Variants in NEGR1 observed in about 807,000 individuals in gnomAD.
NEGR1 encodes IgLON family member 4.
In NEGR1, 10 loss-of-function variants were observed where a neutral mutation model predicts 40.9. The observed-to-expected ratio is 0.24, with a 90% CI of 0.15 to 0.42. The LOEUF is 0.42. NEGR1 is among the 10% of genes least tolerant of loss of function. The pLI is 1.00. For missense variants in NEGR1, 352 were observed against 438.9 expected (o/e 0.80, Z 1.77); for synonymous variants, 185 against 166.8 (o/e 1.11, Z -0.84).
intron 6 of NEGR1, among the ~76,000 whole-genome samples, chr1:71,567,720 C>T (rs769256725): frequency 2.6e-5 from 4 of 152,108 alleles, no homozygotes; most frequent in African/African-American, 9.7e-5. Flanking sequence ...TTGTGTCCCC[C>T]CTCCGCCTCA....
intron 6 of NEGR1, among the ~76,000 whole-genome samples, chr1:71,532,984 C>A (rs879214723): frequency 6.6e-6 from 1 of 151,536 alleles, no homozygotes; most frequent in Non-Finnish European, 1.5e-5. Flanking sequence ...ACTCATGAGA[C>A]AATCAACAGT....
chr1:72,134,458 C>T (rs1228231697), intron 1 of NEGR1, among the ~76,000 whole-genome samples: 1 of 151,928 alleles, frequency 6.6e-6, no homozygotes, highest in African/African-American at 2.4e-5. Context: ...CCCGCCTCGG[C>T]CTCCCAAAGT....
chr1:72,013,249 T>G (rs1268172670), intron 1 of NEGR1, among the ~76,000 whole-genome samples: 1 of 152,070 alleles, frequency 6.6e-6, no homozygotes, highest in South Asian at 2.1e-4. Context: ...TCCATCCAGA[T>G]GTGGTTACAT....
Position 71,885,318 on chromosome 1 carries a change from A to G in NEGR1, c.409+49761T>C, listed in dbSNP as rs552894538. Reference sequence around the variant, plus strand: ...ACTTATGGCTAGAGAGAACACTCACATTATTTTATAGTAGAACAAATTAAG... The same window carrying G: ...ACTTATGGCTAGAGAGAACACTCACGTTATTTTATAGTAGAACAAATTAAG... On this transcript the variant is annotated intron_variant, in intron 2 of 6. Transcript: ENST00000357731. 4.5e-3 allele frequency among the ~76,000 whole-genome samples: 686 copies of G among 152,340 alleles called. 2 individuals are homozygous for G. Among genetic ancestry groups the G allele is most frequent in the Non-Finnish European group, 7.2e-3 (492 of 68,014 alleles).
intron 6 of NEGR1, among the ~76,000 whole-genome samples, chr1:71,439,409 C>T (rs1467052303): frequency 1.3e-5 from 2 of 152,172 alleles, no homozygotes; most frequent in African/African-American, 2.4e-5. Context: ...CTCACTCAGG[C>T]TGCAGTACAG....
At chr1:71,547,399 G>C (rs904196358) in intron 6 of NEGR1, among the ~76,000 whole-genome samples, 1 of 151,814 alleles carries the variant, frequency 6.6e-6, no homozygotes, top group Non-Finnish European at 1.5e-5. Flanking sequence ...AAAGTTACCG[G>C]AGTGAAAAAG....
At chr1:72,239,300 C>T (rs185588637) in intron 1 of NEGR1, among the ~76,000 whole-genome samples, 16 of 151,834 alleles carry the variant, frequency 1.1e-4, no homozygotes, top group African/African-American at 2.6e-4. Context: ...CAACTCTCTG[C>T]GTCAGGAAAA....
chr1:71,906,127 C>G (rs1661267857), intron 2 of NEGR1, among the ~76,000 whole-genome samples: 1 of 152,098 alleles, frequency 6.6e-6, no homozygotes, highest in Admixed American at 6.6e-5. Context: ...ACGGAGCACT[C>G]TAAAACTCTT....
intron 1 of NEGR1, among the ~76,000 whole-genome samples, chr1:72,216,023 C>A (rs1653793143): frequency 1.3e-5 from 2 of 151,754 alleles, no homozygotes; most frequent in Admixed American, 6.6e-5. Context: ...GAATACTATG[C>A]AGTTATAAAA....
chr1:71,942,519 T>G (rs1430449439), intron 1 of NEGR1, among the ~76,000 whole-genome samples: 1 of 78,290 alleles, frequency 1.3e-5, no homozygotes, highest in East Asian at 3.7e-4. Context: ...TTTTTTTTTT[T>G]GAGACGGAGT....
At chr1:71,981,082 C>A (rs948778234) in intron 1 of NEGR1, among the ~76,000 whole-genome samples, 1 of 152,118 alleles carries the variant, frequency 6.6e-6, no homozygotes, top group Non-Finnish European at 1.5e-5. Context: ...TTGTAAAATT[C>A]ATCATTGTAT....
At chr1:72,132,343 GA>G (rs1650291078) in intron 1 of NEGR1, among the ~76,000 whole-genome samples, 1 of 152,070 alleles carries the variant, frequency 6.6e-6, no homozygotes, top group African/African-American at 2.4e-5. Flanking sequence ...CCTGAGGTCA[GA>G]AAAAAGGGAG....
At chr1:71,925,349 G>T (rs1645762858) in intron 2 of NEGR1, among the ~76,000 whole-genome samples, 1 of 152,168 alleles carries the variant, frequency 6.6e-6, no homozygotes, top group African/African-American at 2.4e-5. Context: ...TAGTGCAGGT[G>T]CATGGTCCCT....
chr1:71,622,597 G>A (rs1570116976), intron 4 of NEGR1, among the ~76,000 whole-genome samples: 1 of 151,914 alleles, frequency 6.6e-6, no homozygotes, highest in East Asian at 1.9e-4. Flanking sequence ...TGTTGTTAGA[G>A]CTTCCATGAT....
intron 1 of NEGR1, among the ~76,000 whole-genome samples, chr1:72,087,402 GC>G (rs1316750676): frequency 2.6e-5 from 4 of 151,722 alleles, no homozygotes; most frequent in Admixed American, 2.0e-4. Flanking sequence ...CTGCACTCCA[GC>G]TTGGGCGACA....
chr1:71,887,320 G>A (rs1301654373), intron 2 of NEGR1, among the ~76,000 whole-genome samples: 1 of 152,074 alleles, frequency 6.6e-6, no homozygotes, highest in Non-Finnish European at 1.5e-5. Flanking sequence ...GTGGATCCAT[G>A]CAGTTCAAAT....
chr1:71,502,910 G>A (rs569652826), intron 6 of NEGR1, among the ~76,000 whole-genome samples: 1 of 152,182 alleles, frequency 6.6e-6, no homozygotes, highest in East Asian at 1.9e-4. Context: ...CAGAGGCAGC[G>A]ATTCTTGGGG....
At chr1:71,681,398 C>T (rs1280798877) in intron 4 of NEGR1, among the ~76,000 whole-genome samples, 1 of 151,982 alleles carries the variant, frequency 6.6e-6, no homozygotes, top group African/African-American at 2.4e-5. Flanking sequence ...TTGTTCTATC[C>T]TAAGACACTA....
At chr1:71,963,626 A>G (rs1470185467) in intron 1 of NEGR1, among the ~76,000 whole-genome samples, 1 of 152,162 alleles carries the variant, frequency 6.6e-6, no homozygotes, top group Non-Finnish European at 1.5e-5. Context: ...TATATATTTT[A>G]ATGAATATGT....
Sources: gnomAD v4.1 joint callset for allele counts (sites outside exome capture counted in the v4.1 genomes callset) on GRCh38, gnomAD v4.1.1 for gene constraint, MANE v1.5 for transcripts, NCBI Gene and HGNC (gene_info 2026-07-23, HGNC 2026-07-21) for gene names.